Variants in SSBP2 observed in about 807,000 individuals in gnomAD.
SSBP2 encodes single stranded DNA binding protein 2.
In SSBP2, 17 loss-of-function variants were observed where a neutral mutation model predicts 61.8. The observed-to-expected ratio is 0.28, with a 90% CI of 0.19 to 0.41. SSBP2 has a LOEUF of 0.41. Ranked by LOEUF, SSBP2 falls within the 10% of genes least tolerant of loss-of-function variation. The probability of loss-of-function intolerance (pLI) is 1.00; values close to 1 mark genes in which losing one functional copy is unlikely to be tolerated. For synonymous variants in SSBP2, 139 were observed against 141.3 expected (o/e 0.98, Z 0.12); for missense variants, 310 against 458.7 (o/e 0.68, Z 2.96).
intron 1 of SSBP2, among the ~76,000 whole-genome samples, chr5:81,694,102 G>T (rs1753420372): frequency 6.6e-6 from 1 of 152,134 alleles, no homozygotes; most frequent in Non-Finnish European, 1.5e-5. Context: ...CATGTTCTCA[G>T]GTATTTGTGG....
chr5:81,746,873 A>G (rs889454721), intron 1 of SSBP2, among the ~76,000 whole-genome samples: 7 of 152,104 alleles, frequency 4.6e-5, no homozygotes, highest in Non-Finnish European at 1.0e-4. Context: ...ATAAAAAATT[A>G]ATATCACTAC....
At chr5:81,656,893 A>T (rs1172639550) in intron 1 of SSBP2, among the ~76,000 whole-genome samples, 1 of 152,162 alleles carries the variant, frequency 6.6e-6, no homozygotes, top group East Asian at 1.9e-4. Flanking sequence ...AAAATGAAAA[A>T]GTCATAAGTT....
At chr5:81,540,222 T>C (rs933249021) in intron 4 of SSBP2, among the ~76,000 whole-genome samples, 5 of 152,226 alleles carry the variant, frequency 3.3e-5, no homozygotes, top group Non-Finnish European at 5.9e-5. Flanking sequence ...TGCATCTTTA[T>C]AGCAGCATGA....
intron 12 of SSBP2, among the ~76,000 whole-genome samples, chr5:81,443,910 T>A (rs1222305821): frequency 6.6e-6 from 1 of 152,196 alleles, no homozygotes; most frequent in Non-Finnish European, 1.5e-5. Flanking sequence ...TTGTACTGAT[T>A]TGAGACAGAA....
At chr5:81,738,656 C>A (rs1760319780) in intron 1 of SSBP2, among the ~76,000 whole-genome samples, 1 of 152,144 alleles carries the variant, frequency 6.6e-6, no homozygotes, top group African/African-American at 2.4e-5. Context: ...TTTAAAAATC[C>A]TAATTTTCAC....
intron 1 of SSBP2, among the ~76,000 whole-genome samples, chr5:81,706,995 G>A (rs1489546080): frequency 1.3e-5 from 2 of 152,038 alleles, no homozygotes; most frequent in Non-Finnish European, 2.9e-5. Flanking sequence ...AAATTTCAGG[G>A]AAATAAAATT....
chr5:81,538,677 C>T (rs1247084300), intron 4 of SSBP2, among the ~76,000 whole-genome samples: 1 of 152,170 alleles, frequency 6.6e-6, no homozygotes, highest in East Asian at 1.9e-4. Flanking sequence ...AAGCTGAAGC[C>T]AATGCTCATT....
intron 5 of SSBP2, among the ~76,000 whole-genome samples, chr5:81,512,123 A>C (rs1163684065): frequency 1.3e-5 from 2 of 152,182 alleles, no homozygotes; most frequent in East Asian, 3.8e-4. Flanking sequence ...GTTAACTCCT[A>C]CCCATCTTTG....
At chr5:81,472,143 T>G (rs2154021382) in intron 8 of SSBP2, among the ~76,000 whole-genome samples, 1 of 152,324 alleles carries the variant, frequency 6.6e-6, no homozygotes, top group Middle Eastern at 3.4e-3. Flanking sequence ...GTTCATTCTT[T>G]TAACCAGCTT....
intron 10 of SSBP2, among the ~76,000 whole-genome samples, chr5:81,450,996 T>G (rs1332479775): frequency 6.6e-6 from 1 of 152,216 alleles, no homozygotes; most frequent in Non-Finnish European, 1.5e-5. Flanking sequence ...TCAGCCTTTA[T>G]GAAAGCCTTG....
At chr5:81,694,049 T>C (rs1378112110) in intron 1 of SSBP2, among the ~76,000 whole-genome samples, 1 of 152,058 alleles carries the variant, frequency 6.6e-6, no homozygotes, top group African/African-American at 2.4e-5. Flanking sequence ...CTGGAGGACA[T>C]TATGTTAAGT....
At chr5:81,661,013 G>T (rs141638050) in intron 1 of SSBP2, among the ~76,000 whole-genome samples, 45 of 152,008 alleles carry the variant, frequency 3.0e-4, no homozygotes, top group Non-Finnish European at 5.4e-4. Context: ...GTTGAGGGGT[G>T]GGGGGTCAGG....
chr5:81,677,168 A>G (rs1330931006), intron 1 of SSBP2, among the ~76,000 whole-genome samples: 1 of 152,184 alleles, frequency 6.6e-6, no homozygotes, highest in Admixed American at 6.5e-5. Flanking sequence ...TTATAAAACT[A>G]ATGTGCCCCA....
intron 10 of SSBP2, among the ~76,000 whole-genome samples, chr5:81,458,415 C>T (rs1240456507): frequency 6.6e-6 from 1 of 151,984 alleles, no homozygotes; most frequent in Non-Finnish European, 1.5e-5. Context: ...TTTAAAAATA[C>T]GTTTATGTAG....
chr5:81,744,659 T>C (rs1757236929), intron 1 of SSBP2, among the ~76,000 whole-genome samples: 1 of 152,014 alleles, frequency 6.6e-6, no homozygotes, highest in Non-Finnish European at 1.5e-5. Flanking sequence ...ATTTTTTTTC[T>C]GTGCTGAACT....
chr5:81,480,605 C>A (rs1382408529), intron 6 of SSBP2, among the ~76,000 whole-genome samples: 2 of 152,166 alleles, frequency 1.3e-5, no homozygotes, highest in Non-Finnish European at 2.9e-5. Context: ...AAGGTTTTAT[C>A]ATATTGCCCA....
In SSBP2 at chr5:81,636,631, A is replaced by G; in HGVS notation, c.136-13T>C. On this transcript the variant is annotated splice_polypyrimidine_tract_variant and intron_variant, in intron 2 of 16. Coordinates refer to ENST00000320672, the MANE Select transcript of SSBP2 (RefSeq NM_012446.5). ...TTTCCCATCTTATCTAAAATGAATA[A>G]AAGAGATATTACTTTCCTAATAATA... 1 of 1,595,162 alleles carries G rather than the reference A, an allele frequency of 6.3e-7. No individual in the cohort carries two copies. Among genetic ancestry groups the G allele is most frequent in the East Asian group, 2.2e-5 (1 of 44,728 alleles).
chr5:81,637,177 C>A (rs1232071706), intron 2 of SSBP2, among the ~76,000 whole-genome samples: 1 of 152,210 alleles, frequency 6.6e-6, no homozygotes, highest in Non-Finnish European at 1.5e-5. Flanking sequence ...CACAGCTGGG[C>A]AATATCTCTC....
At chr5:81,575,002 G>C (rs1019162301) in intron 4 of SSBP2, among the ~76,000 whole-genome samples, 3 of 152,244 alleles carry the variant, frequency 2.0e-5, no homozygotes, top group Non-Finnish European at 4.4e-5. Context: ...GGGTGCAGTA[G>C]CTCATGCTTG....
Sources: allele counts gnomAD v4.1 joint callset (sites outside exome capture counted in the v4.1 genomes callset), GRCh38; gene constraint gnomAD v4.1.1; transcripts MANE v1.5; gene names NCBI Gene and HGNC (gene_info 2026-07-23, HGNC 2026-07-21).